ACTR3C: variants seen among roughly 807,000 people sequenced by gnomAD.
ACTR3C encodes the protein actin-related protein 3C.
In ACTR3C, 18 loss-of-function variants were observed where a neutral mutation model predicts 26.3. That is an observed-to-expected ratio of 0.68 (90% CI 0.47 to 1.01). The LOEUF (loss-of-function observed/expected upper bound fraction) is 1.01, where lower values mean the gene tolerates loss of function less well. ACTR3C is among the 50% of genes least tolerant of loss of function. ACTR3C has a pLI of 0.00. For synonymous variants in ACTR3C, 55 were observed against 94.5 expected (o/e 0.58, Z 2.42); for missense variants, 184 against 250.7 (o/e 0.73, Z 1.80).
chr7:149,882,079 T>C, the ACTR3C span: 1 of 152,404 alleles, frequency 6.6e-6, no homozygotes, highest in Admixed American at 6.5e-5. Context: ...CATTTTCCCA[T>C]GTCGCTGTGG....
the ACTR3C span, among the ~76,000 whole-genome samples, chr7:149,977,628 C>T: frequency 6.6e-5 from 10 of 152,318 alleles, no homozygotes; most frequent in Admixed American, 2.0e-4. Flanking sequence ...TCATTCACCT[C>T]CCAGGTCTCA....
At chr7:150,083,856 G>A in the ACTR3C span, among the ~76,000 whole-genome samples, 2 of 152,196 alleles carry the variant, frequency 1.3e-5, no homozygotes, top group South Asian at 4.1e-4. Flanking sequence ...GAGAGGATGT[G>A]TAGAAAGGGA....
the ACTR3C span, among the ~76,000 whole-genome samples, chr7:149,998,961 C>G: frequency 2.2e-4 from 33 of 150,388 alleles, 3 homozygotes; most frequent in African/African-American, 7.5e-4. Context: ...GAAGGGCCTA[C>G]GTGGCTAGCA....
At chr7:150,145,478 G>A in the ACTR3C span, among the ~76,000 whole-genome samples, 32 of 148,554 alleles carry the variant, frequency 2.2e-4, no homozygotes, top group African/African-American at 7.0e-4. Context: ...CACCAGGGTC[G>A]TGGCTGCATT....
At chr7:150,033,822 G>T in the ACTR3C span, among the ~76,000 whole-genome samples, 76 of 144,400 alleles carry the variant, frequency 5.3e-4, no homozygotes, top group Middle Eastern at 3.8e-3. Flanking sequence ...CTGGCTCTCA[G>T]TCCCTGCCTC....
intron 6 of ACTR3C, among the ~76,000 whole-genome samples, chr7:150,250,202 C>CTTTTTTTTTTTTTTTTTTTTT (rs1192764981): frequency 1.6e-5 from 2 of 125,514 alleles, no homozygotes; most frequent in Admixed American, 7.7e-5. Context: ...CAGAATCTGA[C>CTTTTTTTTTTTTTTTTTTTTT]TTTTTTTTTT....
At chr7:149,907,659 A>G in the ACTR3C span, among the ~76,000 whole-genome samples, 2 of 151,778 alleles carry the variant, frequency 1.3e-5, no homozygotes, top group Non-Finnish European at 2.9e-5. Flanking sequence ...TGAAATCCTG[A>G]TAATAACTGT....
chr7:150,266,029 C>T (rs1834010886), intron 6 of ACTR3C, among the ~76,000 whole-genome samples: 1 of 149,520 alleles, frequency 6.7e-6, no homozygotes, highest in African/African-American at 2.5e-5. Flanking sequence ...CATTTTGCTA[C>T]TTGATTTATT....
chr7:150,278,428 T>C (rs73728109), intron 6 of ACTR3C, among the ~76,000 whole-genome samples: 4,546 of 152,308 alleles, frequency 0.03, 198 homozygotes, highest in African/African-American at 0.099. Flanking sequence ...CTGAGCACCA[T>C]TGGAGAGCAC....
chr7:149,955,711 A>G, the ACTR3C span, among the ~76,000 whole-genome samples: 11 of 152,198 alleles, frequency 7.2e-5, no homozygotes, highest in Non-Finnish European at 1.6e-4. Context: ...AAAATTGAAT[A>G]TCCTTGTACA....
the ACTR3C span, among the ~76,000 whole-genome samples, chr7:150,197,798 C>T: frequency 3.3e-5 from 5 of 152,102 alleles, 1 homozygote; most frequent in African/African-American, 1.2e-4. Context: ...CCCAATTATG[C>T]TAGAATATTG....
the ACTR3C span, among the ~76,000 whole-genome samples, chr7:150,090,316 C>T: frequency 6.6e-6 from 1 of 152,194 alleles, no homozygotes; most frequent in South Asian, 2.1e-4. Context: ...TGCAACATGC[C>T]AGAGCCCTCT....
the ACTR3C span, among the ~76,000 whole-genome samples, chr7:149,938,112 G>A: frequency 6.6e-6 from 1 of 152,186 alleles, no homozygotes; most frequent in Non-Finnish European, 1.5e-5. Context: ...CTGGGAAAAT[G>A]AGGGGGCTCC....
At chr7:150,047,357 C>G in the ACTR3C span, among the ~76,000 whole-genome samples, 1 of 152,216 alleles carries the variant, frequency 6.6e-6, no homozygotes, top group South Asian at 2.1e-4. Flanking sequence ...TCCCAGCAGG[C>G]GCAGTACCCA....
At chr7:150,137,473 C>T in the ACTR3C span, among the ~76,000 whole-genome samples, 1 of 152,202 alleles carries the variant, frequency 6.6e-6, no homozygotes, top group African/African-American at 2.4e-5. Context: ...CTCCCCTACC[C>T]TTGGACTTTA....
chr7:150,177,914 T>C, the ACTR3C span, among the ~76,000 whole-genome samples: 685 of 150,958 alleles, frequency 4.5e-3, 13 homozygotes, highest in Middle Eastern at 0.014. Flanking sequence ...TCTTGAAAAT[T>C]ATGTATGTAG....
the ACTR3C span, among the ~76,000 whole-genome samples, chr7:150,089,549 C>T: frequency 6.6e-6 from 1 of 152,078 alleles, no homozygotes; most frequent in East Asian, 1.9e-4. Flanking sequence ...CTATTTGTGG[C>T]CCAGGGCAGA....
the ACTR3C span, among the ~76,000 whole-genome samples, chr7:149,972,104 G>A: frequency 6.6e-5 from 10 of 152,108 alleles, no homozygotes; most frequent in Non-Finnish European, 1.3e-4. Context: ...CAGAGCTGAC[G>A]TTGCCACTTG....
At chr7:150,239,540 C>CTCTCTCTCTCTA (rs1317088405), downstream of ACTR3C, among the ~76,000 whole-genome samples, 1 of 90,200 alleles carries the variant, frequency 1.1e-5, no homozygotes, top group Admixed American at 1.2e-4. Context: ...CTCTCTCTCT[C>CTCTCTCTCTCTA]TATATATATA....
Sources: gnomAD v4.1 joint callset for allele counts (sites outside exome capture counted in the v4.1 genomes callset) on GRCh38, gnomAD v4.1.1 for gene constraint, MANE v1.5 for transcripts, NCBI Gene and HGNC (gene_info 2026-07-23, HGNC 2026-07-21) for gene names.